The following DNAH14 variants were observed in gnomAD, a reference collection of about 807,000 sequenced individuals.
DNAH14 encodes axonemal beta dynein heavy chain 14.
A neutral mutation model predicts 520.9 loss-of-function variants in DNAH14; 478 were observed. The observed-to-expected ratio is 0.92, with a 90% CI of 0.85 to 0.99. DNAH14 has a LOEUF of 0.99. Ranked by LOEUF, DNAH14 falls within the 50% of genes least tolerant of loss-of-function variation. The pLI, the probability that DNAH14 is intolerant of heterozygous loss-of-function variation, is 0.00. For missense variants in DNAH14, 4,831 were observed against 5,234.5 expected (o/e 0.92, Z 2.38); for synonymous variants, 1,581 against 1,757.2 (o/e 0.90, Z 2.51).
intron 17 of DNAH14, among the ~76,000 whole-genome samples, chr1:225,073,154 G>A (rs976078459): frequency 1.3e-5 from 2 of 152,314 alleles, no homozygotes; most frequent in East Asian, 1.9e-4. Flanking sequence ...CAGTTGGGAG[G>A]CCCCACAGGA....
At chr1:224,958,806 G>C (rs753188496) in intron 3 of DNAH14, among the ~76,000 whole-genome samples, 22 of 152,084 alleles carry the variant, frequency 1.4e-4, no homozygotes, top group Non-Finnish European at 2.6e-4. Context: ...GGCAGATTTA[G>C]TATGGAGAAA....
At chr1:225,004,599 G>A (rs536085497) in intron 9 of DNAH14, among the ~76,000 whole-genome samples, 15 of 152,278 alleles carry the variant, frequency 9.9e-5, no homozygotes, top group African/African-American at 3.6e-4. Context: ...CTGCCCATAG[G>A]GCAGGGGCAC....
intron 7 of DNAH14, among the ~76,000 whole-genome samples, chr1:224,973,228 A>T (rs1421566984): frequency 6.6e-6 from 1 of 152,206 alleles, no homozygotes; most frequent in Non-Finnish European, 1.5e-5. Flanking sequence ...GGCCTCTTTC[A>T]GCCATCTTTG....
At chr1:225,140,609 C>A in intron 27 of DNAH14, 159 bp from the exon 28 acceptor site, 1 of 568,732 alleles carries the variant, frequency 1.8e-6, no homozygotes, top group Non-Finnish European at 2.9e-6. Flanking sequence ...AATCTTTAGC[C>A]CTCAAATACA....
chr1:225,039,432 TA>T (rs1011427438), intron 12 of DNAH14, among the ~76,000 whole-genome samples: 1 of 152,190 alleles, frequency 6.6e-6, no homozygotes, highest in Non-Finnish European at 1.5e-5. Context: ...TTCTAAAATT[TA>T]TTACAGAATG....
chr1:225,216,320 C>T (rs35662388), intron 41 of DNAH14, among the ~76,000 whole-genome samples: 19,438 of 152,130 alleles, frequency 0.13, 1,404 homozygotes, highest in East Asian at 0.31. Flanking sequence ...TCTCTGGCTG[C>T]CCTTAATGTT....
At chr1:225,359,232 C>G (rs1438975418) in intron 74 of DNAH14, among the ~76,000 whole-genome samples, 1 of 152,216 alleles carries the variant, frequency 6.6e-6, no homozygotes, top group East Asian at 1.9e-4. Context: ...AATAAAACCT[C>G]TCAGATTCAC....
intron 8 of DNAH14, among the ~76,000 whole-genome samples, chr1:224,978,188 A>G (rs923234171): frequency 6.6e-6 from 1 of 152,230 alleles, no homozygotes; most frequent in African/African-American, 2.4e-5. Context: ...GGAAATCCAT[A>G]TATTGAAGAG....
chr1:225,196,549 G>T (rs777502992), intron 38 of DNAH14, among the ~76,000 whole-genome samples: 1 of 152,100 alleles, frequency 6.6e-6, no homozygotes, highest in Non-Finnish European at 1.5e-5. Flanking sequence ...GGGATTGCTG[G>T]ATCAAATGGT....
chr1:225,014,524 TC>T (rs1190097836), intron 10 of DNAH14, among the ~76,000 whole-genome samples: 1 of 152,330 alleles, frequency 6.6e-6, no homozygotes, highest in East Asian at 1.9e-4. Context: ...TTTCATTTGT[TC>T]AAAGAATTTC....
intron 41 of DNAH14, among the ~76,000 whole-genome samples, chr1:225,223,438 A>G (rs1275903975): frequency 6.6e-6 from 1 of 152,160 alleles, no homozygotes; most frequent in Non-Finnish European, 1.5e-5. Context: ...AAAGGGAGAC[A>G]AGTTACAAAG....
intron 41 of DNAH14, 35 bp downstream of exon 41, chr1:225,207,255 A>T: frequency 6.9e-7 from 1 of 1,451,802 alleles, no homozygotes; most frequent in Non-Finnish European, 9.1e-7. Context: ...TCAATGATAT[A>T]TCTTAGCTAG....
At chr1:225,118,267 C>T (rs2077020071) in intron 25 of DNAH14, 1 of 473,260 alleles carries the variant, frequency 2.1e-6, no homozygotes, top group African/African-American at 1.9e-5. Context: ...TAAATTCTGC[C>T]TTAAGTTTCC....
In DNAH14 at chr1:225,117,950, G is replaced by C; in HGVS notation, c.4042G>C (p.Ala1348Pro). ...ATGGAAACAAGACATTGGCCCTCCT[G>C]CTGTAAAAATGCTAATATCTGCTGA... ...LIWKQDIGPP[A>P]VKMLISAEGE... The change falls in exon 25 of 86, where the codon GCT (alanine) becomes CCT (proline). Residue 1348 changes from alanine (A) to proline (P), a missense_variant. Transcript: ENST00000682510. The C allele has an allele frequency of 6.4e-7, 1 of 1,551,490 alleles. No individual in the cohort carries two copies. The highest frequency in any genetic ancestry group is 8.7e-7 in the Non-Finnish European group (1 of 1,146,858).
rs1480110 is a variant in DNAH14 at position 225,180,545 on chromosome 1, A to C, written c.5536-4746A>C. On this transcript the variant is annotated intron_variant, in intron 36 of 85. Coordinates refer to ENST00000682510, the MANE Select transcript of DNAH14 (RefSeq NM_001367479.1). ...TAAGATAGGAAACGAGAGATGGGCA[A>C]GATGCCAGGCTTTTTTTAATAACCA... 3.7e-3 allele frequency among the ~76,000 whole-genome samples: 570 copies of C among 152,284 alleles called. 11 individuals carry two copies. The highest frequency in any genetic ancestry group is 0.033 in the Admixed American group (504 of 15,298).
At position 225,353,879 on chromosome 1, in the gene DNAH14, A is replaced by T. The variant is rs2095400368; in HGVS notation, c.11610A>T (p.Arg3870Ser). The T allele has an allele frequency of 8.1e-6, 12 of 1,476,042 alleles. No individual in the cohort carries two copies. In the East Asian group the frequency reaches 1.5e-4, roughly 18 times the overall value. The allele number at this position is 1,476,042 out of a possible 1,614,324, so 91.4% of individuals were successfully genotyped here. ...GGGAGAAACTCACTTCATTTCAAAG[A>T]CTTATTTTGGTAAGATATCTTATGA... The part of the protein sequence containing the change: ...FPWEKLTSFQ[R>S]LILVKVLRPE... Residue 3870 changes from arginine to serine, a missense_variant, in exon 73 of 86, where the codon AGA (arginine) becomes AGT (serine). By Grantham distance (110) the Arg-to-Ser change is moderately radical (BLOSUM62 -1). Coordinates refer to ENST00000682510, the MANE Select transcript of DNAH14 (RefSeq NM_001367479.1).
At chr1:225,070,190 T>A (rs2071397566) in intron 17 of DNAH14, among the ~76,000 whole-genome samples, 1 of 152,170 alleles carries the variant, frequency 6.6e-6, no homozygotes, top group Admixed American at 6.5e-5. Flanking sequence ...GAATGGTTTT[T>A]CATGTCTCTT....
intron 8 of DNAH14, among the ~76,000 whole-genome samples, chr1:224,998,640 G>A (rs529869556): frequency 5.0e-4 from 75 of 148,602 alleles, no homozygotes; most frequent in Admixed American, 1.7e-3. Flanking sequence ...TTTAAAAAAT[G>A]TGTTGAGTTG....
intron 34 of DNAH14, 40 bp downstream of exon 34, chr1:225,153,866 A>T: frequency 7.0e-7 from 1 of 1,434,904 alleles, no homozygotes; most frequent in Non-Finnish European, 9.5e-7. Flanking sequence ...AGGGAGTTAT[A>T]TACTGCTGGG....
Sources: allele counts gnomAD v4.1 joint callset (sites outside exome capture counted in the v4.1 genomes callset), GRCh38; gene constraint gnomAD v4.1.1; transcripts MANE v1.5; gene names NCBI Gene and HGNC (gene_info 2026-07-23, HGNC 2026-07-21).